The following PCDHA3 variants were observed in gnomAD, a reference collection of about 807,000 sequenced individuals.
The protein encoded by PCDHA3 is protocadherin alpha-3.
A neutral mutation model predicts 62.2 loss-of-function variants in PCDHA3; 41 were observed. The ratio of observed to expected loss-of-function variants is 0.66; its 90% CI spans 0.51 to 0.86. The LOEUF (loss-of-function observed/expected upper bound fraction) is 0.86, where lower values mean the gene tolerates loss of function less well. PCDHA3 is among the 40% of genes least tolerant of loss of function. The pLI is 0.00. For missense variants in PCDHA3, 1,304 were observed against 1,241.2 expected, an observed-to-expected ratio of 1.05 and a Z score of -0.76; for synonymous variants, 640 against 555.4, an observed-to-expected ratio of 1.15 and a Z score of -2.14.
Position 140,801,419 on chromosome 5 carries a change from T to C in PCDHA3, c.222T>C (p.Leu74=). Residue 74 remains leucine, a synonymous_variant, in exon 1 of 4, where the codon CTT becomes CTC. Transcript: ENST00000522353. ...TGGCGTCCAAAAGACACGGGGACCT[T>C]CTGGAGGTAAATCTGCAGAATGGCA... ...FRVASKRHGD[L]LEVNLQNGIL... is the part of the protein sequence containing the mutation. The C allele has an allele frequency of 6.2e-7, 1 of 1,613,802 alleles. No homozygotes were observed.
At chr5:140,890,596 C>T (rs1236261988) in intron 1 of PCDHA3, among the ~76,000 whole-genome samples, 5 of 152,064 alleles carry the variant, frequency 3.3e-5, no homozygotes, top group African/African-American at 1.2e-4. Context: ...AGCCCTTTTC[C>T]GAATAGCTAG....
intron 1 of PCDHA3, among the ~76,000 whole-genome samples, chr5:140,847,133 A>G (rs984510498): frequency 6.7e-6 from 1 of 149,740 alleles, no homozygotes; most frequent in Non-Finnish European, 1.5e-5. Flanking sequence ...CAGGAAAACC[A>G]ATGTAAGAAG....
chr5:140,829,921 G>A (rs1770679553), intron 1 of PCDHA3: 1 of 1,613,908 alleles, frequency 6.2e-7, no homozygotes, highest in Admixed American at 1.7e-5. Flanking sequence ...TTTCGTATGA[G>A]CTGCAGCCCC....
At chr5:140,843,007 GC>G in intron 1 of PCDHA3, 1 of 1,594,980 alleles carries the variant, frequency 6.3e-7, no homozygotes, top group Non-Finnish European at 8.6e-7. Flanking sequence ...ATGACAACGC[GC>G]CGGCACTGCT....
chr5:140,911,974 A>C (rs1471523711), intron 1 of PCDHA3, among the ~76,000 whole-genome samples: 3 of 152,212 alleles, frequency 2.0e-5, no homozygotes, highest in African/African-American at 4.8e-5. Flanking sequence ...GTATTAACTC[A>C]CATGATCACA....
At position 140,802,507 on chromosome 5, in the gene PCDHA3, C is replaced by T. The variant is rs2149960519; in HGVS notation, c.1310C>T (p.Ala437Val). Residue 437 changes from alanine to valine, a missense_variant, in exon 1 of 4, where the codon GCC becomes GTC. Transcript: ENST00000522353. ...GACGGGGGCTCGCCTTCACTGTGGG[C>T]CACGGCCAGCGTGTCCGTGGAGGTG... ...ARDGGSPSLW[A>V]TASVSVEVAD... 1.2e-6 allele frequency: 2 copies of T among 1,614,154 alleles called. No homozygotes were observed. Among genetic ancestry groups the T allele is most frequent in the Non-Finnish European group, 1.7e-6 (2 of 1,180,010 alleles).
At chr5:140,924,312 T>G (rs752006188) in intron 1 of PCDHA3, among the ~76,000 whole-genome samples, 84 of 152,338 alleles carry the variant, frequency 5.5e-4, no homozygotes, top group Non-Finnish European at 7.9e-4. Context: ...TCCTTTAATT[T>G]TATCTGAGAC....
intron 1 of PCDHA3, chr5:140,864,136 T>C (rs2048335461): frequency 6.6e-6 from 1 of 152,238 alleles, no homozygotes; most frequent in African/African-American, 2.4e-5. Flanking sequence ...AGTGGCTGTT[T>C]CCTGTAAATG....
chr5:140,926,723 C>G (rs1224901751), intron 1 of PCDHA3: 1 of 1,034,598 alleles, frequency 9.7e-7, no homozygotes, highest in Non-Finnish European at 1.3e-6. Flanking sequence ...CCGGCAATGC[C>G]GGCGTTCGGG....
chr5:140,954,102 A>G (rs2094980163), intron 1 of PCDHA3, among the ~76,000 whole-genome samples: 1 of 152,186 alleles, frequency 6.6e-6, no homozygotes, highest in South Asian at 2.1e-4. Flanking sequence ...TGTCCCTGCA[A>G]AGGACAAGAT....
In PCDHA3 at chr5:140,874,725, T is replaced by C. The variant is rs181567985; in HGVS notation, c.2394+71134T>C. Among the ~76,000 whole-genome samples, 426 of 152,372 alleles carry C rather than the reference T, an allele frequency of 2.8e-3. 2 individuals are homozygous for C. Among genetic ancestry groups the C allele is most frequent in the Middle Eastern group, 0.014 (4 of 294 alleles). On this transcript the variant is annotated intron_variant, in intron 1 of 3. Transcript: ENST00000522353. The stretch of plus-strand genomic sequence containing the variant: ...ATGAGAGCAGTTATGTGAAAAGTTA[T>C]CACATTCAAGCATCAAGGAACCAAA...
At chr5:140,856,713 C>T in intron 1 of PCDHA3, 1 of 1,596,470 alleles carries the variant, frequency 6.3e-7, no homozygotes, top group Non-Finnish European at 8.6e-7. Context: ...CCTGAATTTA[C>T]CGGATCTGTT....
Position 140,856,457 on chromosome 5 carries a change from C to T in PCDHA3, c.2394+52866C>T, listed in dbSNP as rs1383276232. On this transcript the variant is annotated intron_variant, in intron 1 of 3. Coordinates refer to ENST00000522353, the MANE Select transcript of PCDHA3 (RefSeq NM_018906.3). ...CCCGCCCAGGTTCTCCGTAACAGAACAAAAGCTCTCAATACCTGAATCCAG... is the reference window on the plus strand; with the variant it reads ...CCCGCCCAGGTTCTCCGTAACAGAATAAAAGCTCTCAATACCTGAATCCAG... 12 of 1,598,330 alleles carry T rather than the reference C, an allele frequency of 7.5e-6. 1 individual carries two copies. The highest frequency in any genetic ancestry group is 1.0e-5 in the Non-Finnish European group (12 of 1,167,902).
chr5:140,926,054 T>C (rs1018660828), intron 1 of PCDHA3, among the ~76,000 whole-genome samples: 1 of 152,182 alleles, frequency 6.6e-6, no homozygotes, highest in Non-Finnish European at 1.5e-5. Flanking sequence ...CCCAACCTTC[T>C]TCCCCTCCTT....
chr5:140,816,854 G>A (rs1273778767), intron 1 of PCDHA3: 8 of 151,924 alleles, frequency 5.3e-5, no homozygotes, highest in Non-Finnish European at 7.4e-5. Flanking sequence ...TGTACTGTGG[G>A]CCCTCTGGAG....
chr5:141,001,913 C>T (rs545106723), intron 3 of PCDHA3, among the ~76,000 whole-genome samples: 2 of 152,296 alleles, frequency 1.3e-5, no homozygotes, highest in South Asian at 2.1e-4. Flanking sequence ...AAAAAGACTG[C>T]AGTGGCTGAC....
intron 1 of PCDHA3, chr5:140,877,731 G>A (rs2153355415): frequency 1.2e-6 from 2 of 1,614,176 alleles, no homozygotes; most frequent in Non-Finnish European, 1.7e-6. Context: ...ACTCGCAGCA[G>A]AGGAGGCAGA....
At chr5:140,938,535 T>C (rs1213072173) in intron 1 of PCDHA3, among the ~76,000 whole-genome samples, 2 of 140,516 alleles carry the variant, frequency 1.4e-5, no homozygotes, top group African/African-American at 2.6e-5. Flanking sequence ...ATGGATAATA[T>C]GGATTTTTAT....
At chr5:140,808,103 G>A in intron 1 of PCDHA3, 1 of 1,613,814 alleles carries the variant, frequency 6.2e-7, no homozygotes, top group Non-Finnish European at 8.5e-7. Context: ...TATTGTAAAG[G>A]GATATATTGA....
Sources: gnomAD v4.1 joint callset for allele counts (sites outside exome capture counted in the v4.1 genomes callset) on GRCh38, gnomAD v4.1.1 for gene constraint, MANE v1.5 for transcripts, NCBI Gene and HGNC (gene_info 2026-07-23, HGNC 2026-07-21) for gene names.